PLG: variants seen among roughly 807,000 people sequenced by gnomAD.
PLG encodes the protein plasminogen, also known as plasmin.
A neutral mutation model predicts 104.4 loss-of-function variants in PLG; 41 were observed. The ratio of observed to expected loss-of-function variants is 0.39; its 90% CI spans 0.31 to 0.51. The LOEUF is 0.51. Among genes scored for constraint, PLG ranks in the 20% least tolerant of loss-of-function variants. The probability of loss-of-function intolerance (pLI) is 0.76; values close to 1 mark genes in which losing one functional copy is unlikely to be tolerated. For missense variants in PLG, 891 were observed against 1,003.6 expected (o/e 0.89, Z 1.52); for synonymous variants, 337 against 357.1 (o/e 0.94, Z 0.63).
chr6:160,749,699 G>T (rs1358701262), intron 17 of PLG, among the ~76,000 whole-genome samples: 1 of 145,718 alleles, frequency 6.9e-6, no homozygotes, highest in Non-Finnish European at 1.5e-5. Context: ...CTATCAACAT[G>T]ATAGTAATTA....
At position 160,734,717 on chromosome 6, in the gene PLG, T is replaced by C. The variant is rs536508379; in HGVS notation, c.1681+629T>C. Among the ~76,000 whole-genome samples the C allele has an allele frequency of 7.9e-4, 113 of 143,744 alleles. No homozygotes were observed. The highest frequency in any genetic ancestry group is 2.7e-3 in the African/African-American group (104 of 38,146). 94.3% of individuals were successfully genotyped at this position (143,744 alleles called of 152,430 possible). A position where few individuals can be genotyped will look rare whatever the true frequency, so the allele number is the denominator to read the frequency against. On this transcript the variant is annotated intron_variant, in intron 13 of 18. Transcript: ENST00000308192. The surrounding 1 kb of genome is among the most constrained non-coding windows in gnomAD (Gnocchi z 4.4). ...GGAGTTGACATTAGTTCTTAAAGAA[T>C]TGGAATAACAAATCCATGGGTATTT... is the stretch of plus-strand genomic sequence containing the variant.
Position 160,706,413 on chromosome 6 carries a change from G to A in PLG, c.56G>A (p.Gly19Glu), listed in dbSNP as rs753547888. The A allele has an allele frequency of 1.2e-6, 2 of 1,613,048 alleles. No homozygotes were observed. Among genetic ancestry groups the A allele is most frequent in the Non-Finnish European group, 1.7e-6 (2 of 1,179,526 alleles). The stretch of plus-strand genomic sequence containing the variant: ...TTGGATCTCCCACCTCTAGGTCAAG[G>A]AGAGCCTCTGGATGACTATGTGAAT... ...LLLLFLKSGQGEPLDDYVNTQ... is the reference protein window; with the variant it reads ...LLLLFLKSGQEEPLDDYVNTQ... The change falls in exon 2 of 19, where the codon GGA becomes GAA. Residue 19 changes from glycine (G) to glutamate (E), a missense_variant. Gly to Glu is a moderately conservative substitution (Grantham distance 98, BLOSUM62 -2). Coordinates refer to ENST00000308192, the MANE Select transcript of PLG (RefSeq NM_000301.5).
chr6:160,738,748 C>T lies in PLG; in HGVS notation c.1877+136C>T, dbSNP rs1778134201. On this transcript the variant is annotated intron_variant, in intron 15 of 18. Coordinates refer to ENST00000308192, the MANE Select transcript of PLG (RefSeq NM_000301.5). The surrounding 1 kb of genome is among the most constrained non-coding windows in gnomAD (Gnocchi z 6.8). ...TGTGACACTAGGGACCAGGCCAGGG[C>T]AATTGGATAAGAGAGAAGGGAAGGG... 1 of 742,838 alleles carries T rather than the reference C, an allele frequency of 1.3e-6. No homozygotes were observed. Among genetic ancestry groups the T allele is most frequent in the Non-Finnish European group, 2.4e-6 (1 of 411,882 alleles). The allele number at this position is 742,838 out of a possible 1,614,324, so 46.0% of individuals were successfully genotyped here.
At chr6:160,721,581 A>G (rs1254076648) in intron 9 of PLG, among the ~76,000 whole-genome samples, 5 of 152,230 alleles carry the variant, frequency 3.3e-5, no homozygotes, top group Admixed American at 2.0e-4. Context: ...CAGTCACTGC[A>G]TGCCTGCACT....
At position 160,719,867 on chromosome 6, in the gene PLG, T is replaced by A. The variant is rs1358687201; in HGVS notation, c.1096+1029T>A. On this transcript the variant is annotated intron_variant, in intron 9 of 18. Transcript: ENST00000308192. This position sits in a 1 kb window ranked among gnomAD's most constrained non-coding sequence, Gnocchi z 4.1. The stretch of plus-strand genomic sequence containing the variant: ...CAGATCTCACAATACATTGACACTA[T>A]TTTTGCCCTAATAGTTGTGTTTTAA... Among the ~76,000 whole-genome samples, 1 of 147,736 alleles carries A rather than the reference T, an allele frequency of 6.8e-6. No individual in the cohort carries two copies. The highest frequency in any genetic ancestry group is 2.7e-5 in the African/African-American group (1 of 37,724).
rs1030739906 is a variant in PLG, at chr6:160,723,100, T to C, written c.1256+533T>C. Among the ~76,000 whole-genome samples, 2 of 151,060 alleles carry C rather than the reference T, an allele frequency of 1.3e-5. No homozygotes were observed. The highest frequency in any genetic ancestry group is 4.9e-5 in the African/African-American group (2 of 41,008). On this transcript the variant is annotated intron_variant, in intron 10 of 18. Coordinates refer to ENST00000308192, the MANE Select transcript of PLG (RefSeq NM_000301.5). This position sits in a 1 kb window ranked among gnomAD's most constrained non-coding sequence, Gnocchi z 4.7. ...CAAGTATACATATATAGTGTGTATA[T>C]ATATGTACACATATATGTGTGTATA...
intron 12 of PLG, 142 bp from the exon 13 acceptor site, chr6:160,733,844 CAGAAAAAAA>C (rs1778041800): frequency 4.6e-5 from 17 of 369,838 alleles, no homozygotes; most frequent in Non-Finnish European, 7.7e-5. Flanking sequence ...AACTCCACCT[CAGAAAAAAA>C]AAAAAAAAAA....
Position 160,711,180 on chromosome 6 carries a change from C to T in PLG, c.396C>T (p.Pro132=). 1 of 1,613,340 alleles carries T rather than the reference C, an allele frequency of 6.2e-7. No homozygotes were observed. Among genetic ancestry groups the T allele is most frequent in the Non-Finnish European group, 8.5e-7 (1 of 1,179,336 alleles). ...GTCAAAAATGGAGTTCCACTTCTCC[C>T]CACAGACCTAGGTAAGACATTCCCT... ...ITCQKWSSTS[P]HRPRFSPATH... Residue 132 remains proline (P), a synonymous_variant, in exon 4 of 19, where the codon CCC becomes CCT. Transcript: ENST00000308192.
chr6:160,733,118 A>T (rs1349259857), intron 12 of PLG, among the ~76,000 whole-genome samples: 2 of 152,054 alleles, frequency 1.3e-5, no homozygotes, highest in African/African-American at 4.8e-5. Context: ...AGGAACCCCC[A>T]AGGGATTTAG....
intron 3 of PLG, among the ~76,000 whole-genome samples, chr6:160,710,047 A>G (rs1777609170): frequency 6.6e-6 from 1 of 152,228 alleles, no homozygotes; most frequent in South Asian, 2.1e-4. Context: ...GCTCCAGTGC[A>G]ACATCTACAA....
At position 160,726,033 on chromosome 6, in the gene PLG, A is replaced by ACAT. The variant is rs770066161; in HGVS notation, c.1256+3468_1256+3470dup. On this transcript the variant is annotated intron_variant, in intron 10 of 18. Transcript: ENST00000308192. The surrounding 1 kb of genome is among the most constrained non-coding windows in gnomAD (Gnocchi z 4.4). ...CTAATGTCTCTCTCCGTATGGTTATACATCTTCCCAAACAAAATATAATAG... is the reference window on the plus strand; with the variant it reads ...CTAATGTCTCTCTCCGTATGGTTATACATCATCTTCCCAAACAAAATATAATAG... 1.6e-4 allele frequency among the ~76,000 whole-genome samples: 25 copies of ACAT among 152,132 alleles called. No homozygotes were observed. The highest frequency in any genetic ancestry group is 3.2e-3 in the Middle Eastern group (1 of 316).
At position 160,739,048 on chromosome 6, in the gene PLG, G is replaced by A. The variant is rs1370714248; in HGVS notation, c.1878-20G>A. 6.2e-7 allele frequency: 1 copy of A among 1,613,784 alleles called. No homozygotes were observed. ...AGGGGCTGGACCATATTTTCCTCTTGACGTCCTCATCTTTTCTAGGTCCCC... is the reference window on the plus strand; with the variant it reads ...AGGGGCTGGACCATATTTTCCTCTTAACGTCCTCATCTTTTCTAGGTCCCC... On this transcript the variant is annotated intron_variant, in intron 15 of 18. Coordinates refer to ENST00000308192, the MANE Select transcript of PLG (RefSeq NM_000301.5). The surrounding 1 kb of genome is among the most constrained non-coding windows in gnomAD (Gnocchi z 4.4).
chr6:160,719,701 T>G lies in PLG; in HGVS notation c.1096+863T>G, dbSNP rs1203334157. ...TTTTCCACAATGTTTATAATATACATTTTTGACTTTTCACATTCCACCTTC... is the reference window on the plus strand; with the variant it reads ...TTTTCCACAATGTTTATAATATACAGTTTTGACTTTTCACATTCCACCTTC... On this transcript the variant is annotated intron_variant, in intron 9 of 18. Coordinates refer to ENST00000308192, the MANE Select transcript of PLG (RefSeq NM_000301.5). This position sits in a 1 kb window ranked among gnomAD's most constrained non-coding sequence, Gnocchi z 4.1. Among the ~76,000 whole-genome samples the G allele has an allele frequency of 6.6e-6, 1 of 152,190 alleles. No individual in the cohort carries two copies. Among genetic ancestry groups the G allele is most frequent in the Admixed American group, 6.5e-5 (1 of 15,282 alleles).
In PLG at chr6:160,744,870, G is replaced by C. The variant is rs1425597343; in HGVS notation, c.2125+3453G>C. On this transcript the variant is annotated intron_variant, in intron 17 of 18. Coordinates refer to ENST00000308192, the MANE Select transcript of PLG (RefSeq NM_000301.5). This position sits in a 1 kb window ranked among gnomAD's most constrained non-coding sequence, Gnocchi z 4.5. ...GTATGTTGTATCTTTATTCTCATTA[G>C]TTCAAAGAACTTCCTGATTTCTGCC... is the stretch of plus-strand genomic sequence containing the variant. Among the ~76,000 whole-genome samples, 1 of 152,070 alleles carries C rather than the reference G, an allele frequency of 6.6e-6. No individual in the cohort carries two copies. Among genetic ancestry groups the C allele is most frequent in the African/African-American group, 2.4e-5 (1 of 41,394 alleles).
rs4252060 is a variant in PLG, at chr6:160,702,270, G to A, written c.-35G>A. On this transcript the variant is annotated 5_prime_UTR_variant, in exon 1 of 19. Transcript: ENST00000308192. ...TAAGTCAACAACATCCTGGGATTGG[G>A]ACCCACTTTCTGGGCACTGCTGGCC... 12,153 of 1,608,996 alleles carry A rather than the reference G, an allele frequency of 7.6e-3. 355 individuals carry two copies. The African/African-American group carries it at 0.086, about 11-fold the overall frequency.
chr6:160,714,794 A>T lies in PLG; in HGVS notation c.548A>T (p.Glu183Val). 2.5e-6 allele frequency: 4 copies of T among 1,613,762 alleles called. No homozygotes were observed. Among genetic ancestry groups the T allele is most frequent in the Non-Finnish European group, 3.4e-6 (4 of 1,179,730 alleles). The change falls in exon 6 of 19, where the codon GAG (glutamate) becomes GTG (valine). Residue 183 changes from glutamate to valine, a missense_variant and splice_region_variant. Physicochemically the swap from Glu to Val is moderately radical, Grantham distance 121 (BLOSUM62 -2). This residue lies in a region of PLG where 854 missense variants were observed against 932.1 expected (regional missense o/e 0.92). Transcript: ENST00000308192. ...YDYCDILECE[E>V]ECMHCSGENY... ...TGTCCTTCCTTCCCACTCTGTCCAGAGGAATGTATGCATTGCAGTGGAGAA... is the reference window on the plus strand; with the variant it reads ...TGTCCTTCCTTCCCACTCTGTCCAGTGGAATGTATGCATTGCAGTGGAGAA...
At chr6:160,715,054 A>C in intron 6 of PLG, 140 bp downstream of exon 6, 1 of 830,428 alleles carries the variant, frequency 1.2e-6, no homozygotes, top group Non-Finnish European at 2.0e-6. Context: ...ACCTCCTCCC[A>C]CAATATTGCA....
Position 160,719,866 on chromosome 6 carries a change from AT to A in PLG, c.1096+1033del, listed in dbSNP as rs146467866. Among the ~76,000 whole-genome samples, 2,282 of 152,214 alleles carry A rather than the reference AT, an allele frequency of 0.015. 63 individuals carry two copies. The Middle Eastern group carries it at 0.18, about 12-fold the overall frequency. ...ACAGATCTCACAATACATTGACACT[AT>A]TTTTGCCCTAATAGTTGTGTTTTAA... is the stretch of plus-strand genomic sequence containing the variant. On this transcript the variant is annotated intron_variant, in intron 9 of 18. Transcript: ENST00000308192. The surrounding 1 kb of genome is among the most constrained non-coding windows in gnomAD (Gnocchi z 4.1).
rs1778248112 is a variant in PLG at position 160,744,546 on chromosome 6, C to G, written c.2125+3129C>G. On this transcript the variant is annotated intron_variant, in intron 17 of 18. Transcript: ENST00000308192. The surrounding 1 kb of genome is among the most constrained non-coding windows in gnomAD (Gnocchi z 4.5). The stretch of plus-strand genomic sequence containing the variant: ...CTAATTGTGTTTATTTTGGTCTTAT[C>G]TTCCTTTTCTTCATTAGCCTAGCTA... Among the ~76,000 whole-genome samples, 1 of 151,998 alleles carries G rather than the reference C, an allele frequency of 6.6e-6. No homozygotes were observed. Among genetic ancestry groups the G allele is most frequent in the Admixed American group, 6.6e-5 (1 of 15,252 alleles).
Sources: allele counts gnomAD v4.1 joint callset (sites outside exome capture counted in the v4.1 genomes callset), GRCh38; gene constraint gnomAD v4.1.1; regional missense constraint gnomAD v4.1.1; non-coding constraint Gnocchi (gnomAD v3.1); transcripts MANE v1.5; gene names NCBI Gene and HGNC (gene_info 2026-07-23, HGNC 2026-07-21).